PDCD10: variants seen among roughly 807,000 people sequenced by gnomAD.
PDCD10 encodes the protein programmed cell death 10.
In PDCD10, 4 loss-of-function variants were observed where a neutral mutation model predicts 29.2. That is an observed-to-expected ratio of 0.14 (90% CI 0.07 to 0.31). The LOEUF (loss-of-function observed/expected upper bound fraction) is 0.31. PDCD10 is among the 10% of genes least tolerant of loss of function. The pLI, the probability that PDCD10 is intolerant of heterozygous loss-of-function variation, is 1.00. For synonymous variants in PDCD10, 70 were observed against 82.2 expected (o/e 0.85, Z 0.80); for missense variants, 183 against 257.9 (o/e 0.71, Z 1.99).
At position 167,687,261 on chromosome 3, in the gene PDCD10, G is replaced by C; in HGVS notation, c.530C>G (p.Thr177Ser). The change falls in exon 8 of 9, where the codon ACT (threonine) becomes AGT (serine). Residue 177 changes from threonine to serine, a missense_variant. Transcript: ENST00000392750. ...FVKYSKSFSDTLKTYFKDGKA... is the reference protein window; with the variant it reads ...FVKYSKSFSDSLKTYFKDGKA... ...GCCATCTTTAAAATACGTTTTCAGAGTATCACTGAAACTTTTGGAGTACTT... is the reference window on the plus strand; with the variant it reads ...GCCATCTTTAAAATACGTTTTCAGACTATCACTGAAACTTTTGGAGTACTT... 1 of 1,576,888 alleles carries C rather than the reference G, an allele frequency of 6.3e-7. No individual in the cohort carries two copies. The highest frequency in any genetic ancestry group is 8.7e-7 in the Non-Finnish European group (1 of 1,146,824).
In PDCD10 at chr3:167,708,268, T is replaced by TA. The variant is rs763619506; in HGVS notation, c.97-3374dup. ...GCATCAAGTTTCCTAAAACCATAAT[T>TA]AAAAAAAAAAAAAAGCCATTTAGCC... On this transcript the variant is annotated intron_variant, in intron 3 of 8. Transcript: ENST00000392750. Among the ~76,000 whole-genome samples, 460 of 138,270 alleles carry TA rather than the reference T, an allele frequency of 3.3e-3. 3 individuals are homozygous for TA. Among genetic ancestry groups the TA allele is most frequent in the Middle Eastern group, 0.015 (4 of 268 alleles). 90.7% of individuals were successfully genotyped at this position (138,270 alleles called of 152,430 possible). A position where few individuals can be genotyped will look rare whatever the true frequency, so the allele number is the denominator to read the frequency against.
chr3:167,698,145 T>C (rs1265832893), intron 4 of PDCD10, among the ~76,000 whole-genome samples: 1 of 152,218 alleles, frequency 6.6e-6, no homozygotes, highest in East Asian at 1.9e-4. Context: ...CATTATAACA[T>C]CTTGTTTCTC....
At chr3:167,695,134 T>C (rs1306547397) in intron 6 of PDCD10, among the ~76,000 whole-genome samples, 1 of 152,212 alleles carries the variant, frequency 6.6e-6, no homozygotes, top group Non-Finnish European at 1.5e-5. Context: ...CCCATGAGTA[T>C]TCTTGGTCTT....
chr3:167,693,425 T>G (rs944554147), intron 6 of PDCD10, among the ~76,000 whole-genome samples: 11 of 152,198 alleles, frequency 7.2e-5, no homozygotes, highest in African/African-American at 2.4e-4. Context: ...TACCAGTACC[T>G]TCAAATGTTG....
intron 2 of PDCD10, among the ~76,000 whole-genome samples, chr3:167,730,028 T>C (rs947676571): frequency 6.6e-6 from 1 of 152,050 alleles, no homozygotes; most frequent in South Asian, 2.1e-4. Context: ...AATGTAAGGG[T>C]GAGCTTGAAA....
At chr3:167,731,473 T>C (rs1724810066) in intron 2 of PDCD10, among the ~76,000 whole-genome samples, 1 of 152,238 alleles carries the variant, frequency 6.6e-6, no homozygotes, top group Admixed American at 6.5e-5. Flanking sequence ...ATAACCTAAA[T>C]TGCCTAAGCA....
intron 2 of PDCD10, among the ~76,000 whole-genome samples, chr3:167,732,615 TAA>T (rs1348239842): frequency 1.3e-5 from 2 of 152,162 alleles, no homozygotes; most frequent in African/African-American, 2.4e-5. Flanking sequence ...GCCTCAGAGA[TAA>T]AGAGTAGTGG....
At chr3:167,693,920 C>A (rs1720523538) in intron 6 of PDCD10, among the ~76,000 whole-genome samples, 1 of 152,150 alleles carries the variant, frequency 6.6e-6, no homozygotes. Context: ...CATGCCACTG[C>A]AGTCCAGCCT....
intron 2 of PDCD10, among the ~76,000 whole-genome samples, chr3:167,729,838 T>C (rs759071796): frequency 2.7e-4 from 41 of 152,208 alleles, no homozygotes; most frequent in Non-Finnish European, 5.4e-4. Flanking sequence ...TATATGTTAG[T>C]GACTACCACT....
At chr3:167,687,017 G>C (rs1032241388) in intron 8 of PDCD10, among the ~76,000 whole-genome samples, 2 of 152,078 alleles carry the variant, frequency 1.3e-5, no homozygotes, top group Non-Finnish European at 2.9e-5. Flanking sequence ...TTACTACCTG[G>C]CTCTTTTCAG....
chr3:167,693,580 A>G (rs1720485425), intron 6 of PDCD10, among the ~76,000 whole-genome samples: 1 of 152,222 alleles, frequency 6.6e-6, no homozygotes, highest in African/African-American at 2.4e-5. Flanking sequence ...CAATTCTGAT[A>G]GGTAGAGCCA....
chr3:167,694,387 G>A lies in PDCD10; in HGVS notation c.395+1209C>T, dbSNP rs543250969. Reference sequence around the variant, plus strand: ...TCTTTCTCTCCTGCTTCAGAGGCTGGACTCTCTTCAGTTTTAGTTTTTCTG... The same window carrying A: ...TCTTTCTCTCCTGCTTCAGAGGCTGAACTCTCTTCAGTTTTAGTTTTTCTG... On this transcript the variant is annotated intron_variant, in intron 6 of 8. Coordinates refer to ENST00000392750, the MANE Select transcript of PDCD10 (RefSeq NM_007217.4). The A allele has an allele frequency of 3.3e-4, 59 of 180,952 alleles. 1 individual carries two copies. Among genetic ancestry groups the A allele is most frequent in the Non-Finnish European group, 2.2e-4 (18 of 81,882 alleles). 11.2% of individuals were successfully genotyped at this position (180,952 alleles called of 1,614,324 possible).
intron 2 of PDCD10, among the ~76,000 whole-genome samples, chr3:167,726,944 CT>C (rs1378033040): frequency 6.6e-6 from 1 of 152,190 alleles, no homozygotes; most frequent in Non-Finnish European, 1.5e-5. Flanking sequence ...TTTTCAAAAC[CT>C]TTTATCTCCC....
At chr3:167,688,446 C>CA (rs1305458164) in intron 6 of PDCD10, among the ~76,000 whole-genome samples, 1 of 152,120 alleles carries the variant, frequency 6.6e-6, no homozygotes, top group African/African-American at 2.4e-5. Context: ...CATCACCTCC[C>CA]TCCCCTTTCT....
At chr3:167,695,761 T>A (rs1316533998) in intron 5 of PDCD10, 39 bp from the exon 6 acceptor site, 15 of 1,602,532 alleles carry the variant, frequency 9.4e-6, no homozygotes, top group Non-Finnish European at 1.2e-5. Context: ...ATCCTGCGAC[T>A]CTCTGCCAAA....
chr3:167,717,366 A>G (rs976462002), intron 3 of PDCD10, among the ~76,000 whole-genome samples: 1 of 152,030 alleles, frequency 6.6e-6, no homozygotes, highest in African/African-American at 2.4e-5. Flanking sequence ...AACTCTTACA[A>G]TACACTGTAG....
chr3:167,699,091 C>T (rs1721104843), intron 4 of PDCD10, among the ~76,000 whole-genome samples: 1 of 152,188 alleles, frequency 6.6e-6, no homozygotes, highest in Non-Finnish European at 1.5e-5. Context: ...TCTTAAATAA[C>T]TATTGTCACT....
At chr3:167,718,605 T>A (rs1489320688) in intron 3 of PDCD10, among the ~76,000 whole-genome samples, 2 of 151,910 alleles carry the variant, frequency 1.3e-5, no homozygotes, top group African/African-American at 4.8e-5. Flanking sequence ...GACAAAAAAA[T>A]TAAGTGGAAG....
At position 167,695,619 on chromosome 3, in the gene PDCD10, T is replaced by G; in HGVS notation, c.372A>C (p.Arg124Ser). 6.2e-7 allele frequency: 1 copy of G among 1,613,462 alleles called. No individual in the cohort carries two copies. The change falls in exon 6 of 9, where the codon AGA becomes AGC. Residue 124 changes from arginine (R) to serine (S), a missense_variant. By Grantham distance (110) the Arg-to-Ser change is moderately radical. Coordinates refer to ENST00000392750, the MANE Select transcript of PDCD10 (RefSeq NM_007217.4). ...LSKIPDEINDRVRFLQTIKDI... is the reference protein window; with the variant it reads ...LSKIPDEINDSVRFLQTIKDI... ...ACTTGATTGTCTGCAGAAACCTCACTCTGTCATTGATCTCATCTGGGATCT... is the reference window on the plus strand; with the variant it reads ...ACTTGATTGTCTGCAGAAACCTCACGCTGTCATTGATCTCATCTGGGATCT...
Sources: allele counts gnomAD v4.1 joint callset (sites outside exome capture counted in the v4.1 genomes callset), GRCh38; gene constraint gnomAD v4.1.1; transcripts MANE v1.5; gene names NCBI Gene and HGNC (gene_info 2026-07-23, HGNC 2026-07-21).